CANX: variants seen among roughly 807,000 people sequenced by gnomAD.
The protein encoded by CANX is calnexin.
A neutral mutation model predicts 75.7 loss-of-function variants in CANX; 14 were observed. That is an observed-to-expected ratio of 0.19 (90% CI 0.12 to 0.29). The LOEUF is 0.29. CANX is among the 10% of genes least tolerant of loss of function. The pLI is 1.00. For missense variants in CANX, 567 were observed against 713.2 expected, an observed-to-expected ratio of 0.79 and a Z score of 2.34; for synonymous variants, 227 against 236.9, an observed-to-expected ratio of 0.96 and a Z score of 0.38.
At position 179,704,527 on chromosome 5, in the gene CANX, G is replaced by GAAA. The variant is rs548978305; in HGVS notation, c.-3-1140_-3-1138dup. ...GGCGATAGAGCAAGACTCATCTCAG[G>GAAA]AAAAAAAAAAAAAAGGAGCTTGTTT... On this transcript the variant is annotated intron_variant, in intron 1 of 14. Transcript: ENST00000247461. 3.2e-3 allele frequency: 435 copies of GAAA among 134,372 alleles called. 2 individuals are homozygous for GAAA. Among genetic ancestry groups the GAAA allele is most frequent in the Non-Finnish European group, 5.2e-3 (331 of 63,152 alleles). 8.3% of individuals were successfully genotyped at this position (134,372 alleles called of 1,614,324 possible). A position where few individuals can be genotyped will look rare whatever the true frequency, so the allele number is the denominator to read the frequency against.
At chr5:179,691,936 C>T (rs1234990021) in intron 1 of CANX, among the ~76,000 whole-genome samples, 1 of 151,686 alleles carries the variant, frequency 6.6e-6, no homozygotes, top group Non-Finnish European at 1.5e-5. Flanking sequence ...CGCCACCACG[C>T]CCGGCTAATT....
intron 7 of CANX, among the ~76,000 whole-genome samples, chr5:179,712,207 TAA>T (rs1777610106): frequency 6.6e-6 from 1 of 151,442 alleles, no homozygotes; most frequent in African/African-American, 2.4e-5. Flanking sequence ...AATAATAGAA[TAA>T]GTTATATTTA....
intron 3 of CANX, 126 bp from the exon 4 acceptor site, chr5:179,707,006 G>A (rs1014369980): frequency 3.1e-6 from 2 of 645,322 alleles, no homozygotes. Context: ...CAGATTTAAA[G>A]GTTGGAAGTA....
chr5:179,699,932 G>GC (rs1482959662), intron 1 of CANX, among the ~76,000 whole-genome samples: 4 of 152,148 alleles, frequency 2.6e-5, no homozygotes, highest in African/African-American at 9.7e-5. Context: ...TACCCTTTGT[G>GC]CCCCCGTTCT....
At chr5:179,685,960 G>T (rs981812736) in intron 1 of CANX, among the ~76,000 whole-genome samples, 7 of 152,104 alleles carry the variant, frequency 4.6e-5, no homozygotes, top group African/African-American at 1.7e-4. Context: ...CAGAATGCTG[G>T]GATTACAGGC....
intron 7 of CANX, among the ~76,000 whole-genome samples, chr5:179,714,157 C>T (rs1777766695): frequency 6.6e-6 from 1 of 152,118 alleles, no homozygotes; most frequent in Admixed American, 6.5e-5. Context: ...CGCCACCATG[C>T]CCGGCCAATT....
chr5:179,703,547 C>T (rs774778682), intron 1 of CANX, among the ~76,000 whole-genome samples: 61 of 152,122 alleles, frequency 4.0e-4, no homozygotes, highest in Non-Finnish European at 1.9e-4. Context: ...TCAGGCTTCT[C>T]CTACCTTAGC....
At chr5:179,712,331 C>G (rs990142578) in intron 7 of CANX, among the ~76,000 whole-genome samples, 1 of 151,896 alleles carries the variant, frequency 6.6e-6, no homozygotes, top group Non-Finnish European at 1.5e-5. Flanking sequence ...CATTTTGATA[C>G]AGGGTTTTTT....
At chr5:179,709,245 T>G (rs889726983) in intron 6 of CANX, among the ~76,000 whole-genome samples, 186 bp downstream of exon 6, 14 of 152,100 alleles carry the variant, frequency 9.2e-5, no homozygotes, top group Non-Finnish European at 1.9e-4. Context: ...AAACCCCATC[T>G]CTACTAAAAA....
chr5:179,713,957 T>C (rs1471108659), intron 7 of CANX, among the ~76,000 whole-genome samples: 2 of 152,140 alleles, frequency 1.3e-5, no homozygotes, highest in African/African-American at 4.8e-5. Context: ...GTTACAGATA[T>C]TTCAATTACT....
At position 179,729,815 on chromosome 5, in the gene CANX, T is replaced by A. The variant is rs977046017; in HGVS notation, c.*1171T>A. 2.0e-5 allele frequency: 3 copies of A among 152,632 alleles called. No homozygotes were observed. The highest frequency in any genetic ancestry group is 4.4e-5 in the Non-Finnish European group (3 of 68,046). 9.5% of individuals were successfully genotyped at this position (152,632 alleles called of 1,614,324 possible). On this transcript the variant is annotated 3_prime_UTR_variant, in exon 15 of 15. Coordinates refer to ENST00000247461, the MANE Select transcript of CANX (RefSeq NM_001746.4). ...AATTCACAGGCAAACCAATACAGAA[T>A]TGACTGCAGTTGAACAGACTAGAAG...
chr5:179,719,678 GC>G lies in CANX; in HGVS notation c.926del (p.Pro309LeufsTer16). On this transcript the variant is annotated frameshift_variant, in exon 9 of 15. Coordinates refer to ENST00000247461, the MANE Select transcript of CANX (RefSeq NM_001746.4). LOFTEE classifies it high-confidence loss of function. The stretch of plus-strand genomic sequence containing the variant: ...TCTTTTGTATTTAAGGGATGAAGAT[GC>G]CCCTGCTAAGATTCCAGATGAAGAG... ...AVKPDDWDED[A>X]PAKIPDEEAT... 6.2e-7 allele frequency: 1 copy of G among 1,604,098 alleles called. No individual in the cohort carries two copies. The highest frequency in any genetic ancestry group is 8.5e-7 in the Non-Finnish European group (1 of 1,171,940).
intron 14 of CANX, among the ~76,000 whole-genome samples, chr5:179,728,370 G>A (rs1254623011): frequency 6.6e-6 from 1 of 152,160 alleles, no homozygotes; most frequent in African/African-American, 2.4e-5. Flanking sequence ...ATTGAGAAAA[G>A]TGTATGTTTA....
At chr5:179,722,749 T>C (rs1778392376) in intron 10 of CANX, 55 bp from the exon 11 acceptor site, 1 of 1,278,898 alleles carries the variant, frequency 7.8e-7, no homozygotes, top group East Asian at 2.4e-5. Flanking sequence ...AGATTCACCA[T>C]AAACTTTTGT....
At position 179,731,512 on chromosome 5, in the gene CANX, T is replaced by C. The variant is rs1219119971; in HGVS notation, c.*2868T>C. Among the ~76,000 whole-genome samples the C allele has an allele frequency of 2.6e-5, 4 of 152,220 alleles. No individual in the cohort carries two copies. Among genetic ancestry groups the C allele is most frequent in the Non-Finnish European group, 4.4e-5 (3 of 68,042 alleles). On this transcript the variant is annotated 3_prime_UTR_variant, in exon 15 of 15. Transcript: ENST00000247461. ...AAGCAGGACTGCATTATGGCACTTT[T>C]GCCTTGGTGGCCCACTTTCTCCATT... is the stretch of plus-strand genomic sequence containing the variant.
Position 179,730,047 on chromosome 5 carries a change from G to A in CANX, c.*1403G>A, listed in dbSNP as rs1424879234. 3 of 152,428 alleles carry A rather than the reference G, an allele frequency of 2.0e-5. No individual in the cohort carries two copies. The highest frequency in any genetic ancestry group is 4.4e-5 in the Non-Finnish European group (3 of 68,006). 9.4% of individuals were successfully genotyped at this position (152,428 alleles called of 1,614,324 possible). A position where few individuals can be genotyped will look rare whatever the true frequency, so the allele number is the denominator to read the frequency against. On this transcript the variant is annotated 3_prime_UTR_variant, in exon 15 of 15. Coordinates refer to ENST00000247461, the MANE Select transcript of CANX (RefSeq NM_001746.4). ...TGTTTTTTCATGCGGGATGCAGATG[G>A]GTGCTATCAGAGCCTCTCCCACACC...
At chr5:179,702,602 A>G (rs1280884090) in intron 1 of CANX, among the ~76,000 whole-genome samples, 1 of 152,102 alleles carries the variant, frequency 6.6e-6, no homozygotes, top group Non-Finnish European at 1.5e-5. Context: ...ATTGATGGAC[A>G]CTTGGGTTGC....
Position 179,709,945 on chromosome 5 carries a change from C to T in CANX, c.601C>T (p.His201Tyr). 2 of 1,612,808 alleles carry T rather than the reference C, an allele frequency of 1.2e-6. No individual in the cohort carries two copies. Among genetic ancestry groups the T allele is most frequent in the Non-Finnish European group, 1.7e-6 (2 of 1,178,892 alleles). The change falls in exon 7 of 15, where the codon CAC (histidine) becomes TAC (tyrosine). Residue 201 changes from histidine (H) to tyrosine (Y), a missense_variant. Around this residue, in one of 3 missense-constraint regions of CANX, gnomAD observed 351 missense variants for 433.8 expected, o/e 0.81. Transcript: ENST00000247461. Reference sequence around the variant, plus strand: ...TAAATGTGGAGAGGACTATAAACTGCACTTCATCTTCCGACACAAAAACCC... The same window carrying T: ...TAAATGTGGAGAGGACTATAAACTGTACTTCATCTTCCGACACAAAAACCC... Reference protein sequence around the residue: ...PDKCGEDYKLHFIFRHKNPKT... With the variant: ...PDKCGEDYKLYFIFRHKNPKT...
intron 1 of CANX, among the ~76,000 whole-genome samples, chr5:179,682,157 CAGG>C (rs1776079978): frequency 6.7e-6 from 1 of 148,950 alleles, no homozygotes; most frequent in South Asian, 2.1e-4. Context: ...GAGTCTGAGG[CAGG>C]AGAATTGCTT....
Sources: gnomAD v4.1 joint callset for allele counts (sites outside exome capture counted in the v4.1 genomes callset) on GRCh38, gnomAD v4.1.1 for gene constraint, gnomAD v4.1.1 regional missense constraint, MANE v1.5 for transcripts, NCBI Gene and HGNC (gene_info 2026-07-23, HGNC 2026-07-21) for gene names.